Variants in ZNF831 observed in about 807,000 individuals in gnomAD.
ZNF831 encodes the protein chromosome 20 open reading frame 174.
In ZNF831, 59 loss-of-function variants were observed where a neutral mutation model predicts 95.8. The observed-to-expected ratio is 0.62, with a 90% CI of 0.50 to 0.77. The LOEUF is 0.77. Among genes scored for constraint, ZNF831 ranks in the 30% least tolerant of loss-of-function variants. The pLI is 0.00. For missense variants in ZNF831, 2,205 were observed against 2,164.0 expected, an observed-to-expected ratio of 1.02 and a Z score of -0.38; for synonymous variants, 961 against 925.5, an observed-to-expected ratio of 1.04 and a Z score of -0.70.
rs1983495396 is a variant in ZNF831, at chr20:59,191,292, C to T, written c.273C>T (p.Leu91=). ...SLDGGNVPFI[L]SPVLQPEGPG... is the part of the protein sequence containing the mutation. ...ATGGGGGCAACGTGCCCTTCATACT[C>T]AGCCCTGTGCTGCAGCCTGAAGGGC... Residue 91 remains leucine (L), a synonymous_variant, in exon 2 of 6, where the codon CTC becomes CTT. Coordinates refer to ENST00000371030, the MANE Select transcript of ZNF831 (RefSeq NM_178457.3). The T allele has an allele frequency of 6.3e-7, 1 of 1,583,324 alleles. No homozygotes were observed. Among genetic ancestry groups the T allele is most frequent in the African/African-American group, 1.4e-5 (1 of 74,038 alleles).
chr20:59,218,797 G>C (rs777789757), intron 4 of ZNF831, among the ~76,000 whole-genome samples: 10 of 152,042 alleles, frequency 6.6e-5, no homozygotes, highest in South Asian at 2.1e-4. Context: ...CAGATCACCT[G>C]TGGTCACGAG....
intron 1 of ZNF831, among the ~76,000 whole-genome samples, chr20:59,144,842 T>G (rs1288709177): frequency 6.6e-6 from 1 of 152,228 alleles, no homozygotes; most frequent in Admixed American, 6.5e-5. Flanking sequence ...TTCTGCCTCC[T>G]AAGTTTCATG....
Position 59,259,100 on chromosome 20 carries a change from A to C in ZNF831, c.*4357A>C, listed in dbSNP as rs1988305957. 2 of 152,226 alleles carry C rather than the reference A, an allele frequency of 1.3e-5. No individual in the cohort carries two copies. Among genetic ancestry groups the C allele is most frequent in the Admixed American group, 1.3e-4 (2 of 15,282 alleles). The allele number at this position is 152,226 out of a possible 1,614,324, so 9.4% of individuals were successfully genotyped here. A position where few individuals can be genotyped will look rare whatever the true frequency, so the allele number is the denominator to read the frequency against. On this transcript the variant is annotated 3_prime_UTR_variant, in exon 6 of 6. Transcript: ENST00000371030. ...ATTATTTTGTTTTGATAAAAATAAAACTTAAAATGCAAATGTCTCACGTGA... is the reference window on the plus strand; with the variant it reads ...ATTATTTTGTTTTGATAAAAATAAACCTTAAAATGCAAATGTCTCACGTGA...
At chr20:59,203,122 G>C (rs1411832293) in intron 3 of ZNF831, among the ~76,000 whole-genome samples, 1 of 152,056 alleles carries the variant, frequency 6.6e-6, no homozygotes, top group Admixed American at 6.5e-5. Context: ...GTATATCTAA[G>C]AAATCTTTCT....
rs989940639 is a variant in ZNF831, at chr20:59,174,559, A to G, written c.-37+10352A>G. On this transcript the variant is annotated intron_variant, in intron 1 of 5. Transcript: ENST00000371030. ...TTGTTTCAGCCACCAAACATGATTA[A>G]GAAAACTTGCTCGGGAGTGTTGGCT... Among the ~76,000 whole-genome samples, 3 of 152,188 alleles carry G rather than the reference A, an allele frequency of 2.0e-5. No individual in the cohort carries two copies. The East Asian group carries it at 5.8e-4, about 29-fold the overall frequency.
chr20:59,224,003 A>G (rs1986272180), intron 4 of ZNF831, among the ~76,000 whole-genome samples: 2 of 152,182 alleles, frequency 1.3e-5, no homozygotes, highest in Non-Finnish European at 2.9e-5. Context: ...GGAGCCAAAC[A>G]CTGAAACCGG....
chr20:59,204,181 C>A (rs1296944699), intron 3 of ZNF831, among the ~76,000 whole-genome samples: 1 of 152,184 alleles, frequency 6.6e-6, no homozygotes, highest in East Asian at 1.9e-4. Context: ...AGAAAAAAAT[C>A]CTGGGCTTTG....
rs760198574 is a variant in ZNF831 at position 59,191,111 on chromosome 20, C to T, written c.92C>T (p.Ala31Val). ...PGPPGAPGGQ[A>V]SPHLTLGPVL... is the part of the protein sequence containing the mutation. ...CCTCCAGGGGCCCCAGGTGGCCAGG[C>T]CTCACCTCACCTGACCCTGGGCCCT... Residue 31 changes from alanine (A) to valine (V), a missense_variant, in exon 2 of 6, where the codon GCC becomes GTC. Ala to Val is a moderately conservative substitution (Grantham distance 64). Transcript: ENST00000371030. 1 of 1,589,436 alleles carries T rather than the reference C, an allele frequency of 6.3e-7. No homozygotes were observed. Among genetic ancestry groups the T allele is most frequent in the South Asian group, 1.1e-5 (1 of 89,310 alleles).
At chr20:59,149,102 C>A (rs1007576854) in intron 2 of ZNF831, among the ~76,000 whole-genome samples, 1 of 152,154 alleles carries the variant, frequency 6.6e-6, no homozygotes, top group Non-Finnish European at 1.5e-5. Flanking sequence ...GATGGGTGCC[C>A]ATCTTGATGG....
At position 59,169,734 on chromosome 20, in the gene ZNF831, T is replaced by C. The variant is rs1015097799; in HGVS notation, c.-37+5527T>C. ...GGCCAACATGATGAAACCCTATCTC[T>C]ACTAAAAATACAAAAATTAGCCGGG... On this transcript the variant is annotated intron_variant, in intron 1 of 5. Coordinates refer to ENST00000371030, the MANE Select transcript of ZNF831 (RefSeq NM_178457.3). This position sits in a 1 kb window ranked among gnomAD's most constrained non-coding sequence, Gnocchi z 4.1. Among the ~76,000 whole-genome samples the C allele has an allele frequency of 6.6e-6, 1 of 152,064 alleles. No individual in the cohort carries two copies. The highest frequency in any genetic ancestry group is 1.5e-5 in the Non-Finnish European group (1 of 68,020).
In ZNF831 at chr20:59,191,413, C is replaced by T. The variant is rs1333018286; in HGVS notation, c.394C>T (p.Leu132=). The T allele has an allele frequency of 1.2e-6, 2 of 1,611,316 alleles. No homozygotes were observed. Among genetic ancestry groups the T allele is most frequent in the Admixed American group, 3.3e-5 (2 of 59,886 alleles). The change falls in exon 2 of 6, where the codon CTG becomes TTG. Residue 132 remains leucine (L), a synonymous_variant. Coordinates refer to ENST00000371030, the MANE Select transcript of ZNF831 (RefSeq NM_178457.3). ...CCTGTCGCCGGGCCTGGGCCCCACG[C>T]TGGGCAGCCCAGGCAAGGTGCGGAA... is the stretch of plus-strand genomic sequence containing the variant. ...PVLSPGLGPT[L]GSPGKVRNAG...
rs1331220731 is a variant in ZNF831 at position 59,191,195 on chromosome 20, C to A, written c.176C>A (p.Pro59His). 6.3e-7 allele frequency: 1 copy of A among 1,592,392 alleles called. No individual in the cohort carries two copies. Residue 59 changes from proline to histidine, a missense_variant, in exon 2 of 6, where the codon CCC becomes CAC. Transcript: ENST00000371030. ...CCCACTGTGTTCCTGAAGGCCCTGC[C>A]CATCCCACTGTACCACACGGTGCCT... ...APPTVFLKAL[P>H]IPLYHTVPPG...
chr20:59,249,212 T>C (rs778866885), intron 4 of ZNF831, among the ~76,000 whole-genome samples: 14 of 152,224 alleles, frequency 9.2e-5, no homozygotes, highest in Non-Finnish European at 1.6e-4. Flanking sequence ...CTTGACTATA[T>C]AAAACAGTCC....
At chr20:59,130,561 C>T (rs1979321400) in intron 1 of ZNF831, among the ~76,000 whole-genome samples, 1 of 152,158 alleles carries the variant, frequency 6.6e-6, no homozygotes, top group Non-Finnish European at 1.5e-5. Context: ...TGAACATGTC[C>T]TGTGGATGTG....
chr20:59,164,575 T>C (rs4812063), intron 1 of ZNF831, among the ~76,000 whole-genome samples: 1 of 152,094 alleles, frequency 6.6e-6, no homozygotes, highest in Non-Finnish European at 1.5e-5. Flanking sequence ...GTATGTGTGG[T>C]ATATATATAC....
At chr20:59,139,405 T>A (rs1223120851) in intron 1 of ZNF831, among the ~76,000 whole-genome samples, 1 of 152,178 alleles carries the variant, frequency 6.6e-6, no homozygotes, top group Non-Finnish European at 1.5e-5. Context: ...TGTTTTTCTG[T>A]TTTTACTCCA....
intron 1 of ZNF831, among the ~76,000 whole-genome samples, chr20:59,182,354 G>C (rs1320134779): frequency 2.0e-5 from 3 of 152,172 alleles, no homozygotes; most frequent in Non-Finnish European, 4.4e-5. Context: ...ATTATGCTGT[G>C]ATCAGTGCTT....
At chr20:59,243,486 A>G (rs982447477) in intron 4 of ZNF831, among the ~76,000 whole-genome samples, 6 of 152,312 alleles carry the variant, frequency 3.9e-5, no homozygotes, top group African/African-American at 7.2e-5. Flanking sequence ...AAGTAGACAG[A>G]GGGAGGTGGG....
Position 59,193,827 on chromosome 20 carries a change from C to T in ZNF831, c.2808C>T (p.Ala936=). The change falls in exon 2 of 6, where the codon GCC becomes GCT. Residue 936 remains alanine, a synonymous_variant. Transcript: ENST00000371030. ...TGCTCTCTGCCCTGGCAGATAATGC[C>T]TTTTCCCCCAAGTACCTCCTCAGGT... is the stretch of plus-strand genomic sequence containing the variant. ...PRVLSALADN[A]FSPKYLLRLP... 6.2e-7 allele frequency: 1 copy of T among 1,613,148 alleles called. No homozygotes were observed. The highest frequency in any genetic ancestry group is 1.1e-5 in the South Asian group (1 of 90,870).
Sources: gnomAD v4.1 joint callset for allele counts (sites outside exome capture counted in the v4.1 genomes callset) on GRCh38, gnomAD v4.1.1 for gene constraint, Gnocchi (gnomAD v3.1) non-coding constraint, MANE v1.5 for transcripts, NCBI Gene and HGNC (gene_info 2026-07-23, HGNC 2026-07-21) for gene names.